GRIN2B: variants seen among roughly 807,000 people sequenced by gnomAD.
GRIN2B encodes the protein glutamate ionotropic receptor NMDA type subunit 2B.
In GRIN2B, 5 loss-of-function variants were observed where a neutral mutation model predicts 114.5. That is an observed-to-expected ratio of 0.04 (90% CI 0.02 to 0.09). The LOEUF (loss-of-function observed/expected upper bound fraction) is 0.09. Among genes scored for constraint, GRIN2B ranks in the 10% least tolerant of loss-of-function variants. The probability of loss-of-function intolerance (pLI) is 1.00; values close to 1 mark genes in which losing one functional copy is unlikely to be tolerated. For missense variants in GRIN2B, 1,108 were observed against 1,943.5 expected, an observed-to-expected ratio of 0.57 and a Z score of 8.08; for synonymous variants, 787 against 745.1, an observed-to-expected ratio of 1.06 and a Z score of -0.92.
chr12:13,786,911 T>A (rs2136660720), intron 3 of GRIN2B, among the ~76,000 whole-genome samples: 1 of 151,992 alleles, frequency 6.6e-6, no homozygotes, highest in African/African-American at 2.4e-5. Context: ...TCCTCCCGGT[T>A]TGAGACTCTG....
At chr12:13,605,389 T>C (rs1362493171) in intron 10 of GRIN2B, among the ~76,000 whole-genome samples, 1 of 151,984 alleles carries the variant, frequency 6.6e-6, no homozygotes, top group East Asian at 1.9e-4. Flanking sequence ...GGCAGATGCA[T>C]AGATAGAGGT....
At chr12:13,653,912 C>T (rs956663285) in intron 5 of GRIN2B, among the ~76,000 whole-genome samples, 1 of 152,018 alleles carries the variant, frequency 6.6e-6, no homozygotes, top group Non-Finnish European at 1.5e-5. Flanking sequence ...CAGTACAGGC[C>T]TATGGTTCAC....
chr12:13,808,539 A>G (rs1245611168), intron 3 of GRIN2B, among the ~76,000 whole-genome samples: 2 of 151,722 alleles, frequency 1.3e-5, no homozygotes, highest in Non-Finnish European at 2.9e-5. Context: ...GTGGGAATTG[A>G]ACAAGGAGAA....
At position 13,868,455 on chromosome 12, in the gene GRIN2B, T is replaced by TACACAC. The variant is rs71436778; in HGVS notation, c.-18-2235_-18-2230dup. On this transcript the variant is annotated intron_variant, in intron 2 of 13. Coordinates refer to ENST00000609686, the MANE Select transcript of GRIN2B (RefSeq NM_000834.5). ...ACACCACAAAGAGCTGTGGACAAAG[T>TACACAC]ACACACACACACACACACACACACA... Among the ~76,000 whole-genome samples, 605 of 148,888 alleles carry TACACAC rather than the reference T, an allele frequency of 4.1e-3. 4 individuals carry two copies. The highest frequency in any genetic ancestry group is 0.012 in the African/African-American group (499 of 40,752).
intron 2 of GRIN2B, among the ~76,000 whole-genome samples, chr12:13,897,990 T>TAATAAATAAATAAATA (rs58807255): frequency 3.8e-4 from 55 of 144,670 alleles, no homozygotes; most frequent in African/African-American, 1.0e-3. Context: ...TAAAGTATAA[T>TAATAAATAAATAAATA]AATAAATAAA....
At chr12:13,867,574 T>C (rs924700391) in intron 2 of GRIN2B, among the ~76,000 whole-genome samples, 20 of 152,238 alleles carry the variant, frequency 1.3e-4, no homozygotes, top group African/African-American at 4.8e-4. Flanking sequence ...AATCATTTAT[T>C]GTACATCTTT....
chr12:13,659,423 A>G (rs1949898060), intron 5 of GRIN2B, among the ~76,000 whole-genome samples: 1 of 152,152 alleles, frequency 6.6e-6, no homozygotes, highest in Non-Finnish European at 1.5e-5. Flanking sequence ...CAGGCACCTA[A>G]GTTCCTACAC....
At chr12:13,891,018 C>T (rs1254952936) in intron 2 of GRIN2B, among the ~76,000 whole-genome samples, 2 of 152,172 alleles carry the variant, frequency 1.3e-5, no homozygotes, top group African/African-American at 2.4e-5. Flanking sequence ...CGCTCCCTAT[C>T]AGTATTAGTG....
At chr12:13,825,496 T>TTTTTTTTTTTTTG (rs375940899) in intron 3 of GRIN2B, among the ~76,000 whole-genome samples, 6 of 122,994 alleles carry the variant, frequency 4.9e-5, no homozygotes, top group African/African-American at 1.6e-4. Context: ...TATATATATT[T>TTTTTTTTTTTTTG]TGTGTGTGTG....
intron 2 of GRIN2B, among the ~76,000 whole-genome samples, chr12:13,961,201 G>A (rs1336530879): frequency 1.3e-5 from 2 of 152,072 alleles, no homozygotes; most frequent in Non-Finnish European, 2.9e-5. Context: ...GAAACAGAGT[G>A]GCAGGGGAGG....
intron 5 of GRIN2B, among the ~76,000 whole-genome samples, chr12:13,633,205 G>T (rs1379975142): frequency 6.6e-6 from 1 of 152,210 alleles, no homozygotes; most frequent in Non-Finnish European, 1.5e-5. Flanking sequence ...AGGTTGAGGG[G>T]TTTAGACCAG....
chr12:13,588,011 A>G (rs1948954369), intron 10 of GRIN2B, among the ~76,000 whole-genome samples: 1 of 152,238 alleles, frequency 6.6e-6, no homozygotes, highest in South Asian at 2.1e-4. Flanking sequence ...TTAGAGGGAA[A>G]CAGACTCACT....
chr12:13,716,991 C>A (rs1322630357), intron 4 of GRIN2B, among the ~76,000 whole-genome samples: 1 of 151,548 alleles, frequency 6.6e-6, no homozygotes, highest in Non-Finnish European at 1.5e-5. Flanking sequence ...CAGTTCTCAA[C>A]AGAAGGGGAA....
rs565579774 is a variant in GRIN2B at position 13,766,746 on chromosome 12, T to TA, written c.412-12832dup. Among the ~76,000 whole-genome samples the TA allele has an allele frequency of 5.8e-4, 89 of 152,360 alleles. 1 individual carries two copies. The East Asian group carries it at 0.011, about 19-fold the overall frequency. On this transcript the variant is annotated intron_variant, in intron 3 of 13. Transcript: ENST00000609686. ...TCAAATGATTGCAAATTGATTTTGT[T>TA]AAGATTTTTATTCTTCAGAAAAGCT...
chr12:13,774,315 G>A (rs1863963064), intron 3 of GRIN2B, among the ~76,000 whole-genome samples: 1 of 152,146 alleles, frequency 6.6e-6, no homozygotes, highest in African/African-American at 2.4e-5. Context: ...TTATCAAAAA[G>A]TGAAAAAAAT....
At chr12:13,657,111 T>G (rs912959626) in intron 5 of GRIN2B, among the ~76,000 whole-genome samples, 1 of 152,202 alleles carries the variant, frequency 6.6e-6, no homozygotes, top group Non-Finnish European at 1.5e-5. Flanking sequence ...GGAGTTGCTT[T>G]GCTGCCAGTC....
intron 11 of GRIN2B, 70 bp from the exon 12 acceptor site, chr12:13,570,087 T>C (rs1229435620): frequency 3.9e-6 from 4 of 1,030,692 alleles, no homozygotes; most frequent in South Asian, 1.3e-5. Flanking sequence ...GGGCCATTAA[T>C]ATGAAGCAGT....
At chr12:13,838,193 C>T (rs953189983) in intron 3 of GRIN2B, among the ~76,000 whole-genome samples, 1 of 152,058 alleles carries the variant, frequency 6.6e-6, no homozygotes, top group Non-Finnish European at 1.5e-5. Context: ...GAAAGGAAAA[C>T]AAGAAGTGTT....
chr12:13,629,986 A>G (rs886617102), intron 5 of GRIN2B, among the ~76,000 whole-genome samples: 7 of 152,126 alleles, frequency 4.6e-5, no homozygotes, highest in Admixed American at 6.5e-5. Flanking sequence ...TCTCGGCCTC[A>G]CAACTTGCCA....
Sources: allele counts gnomAD v4.1 joint callset (sites outside exome capture counted in the v4.1 genomes callset), GRCh38; gene constraint gnomAD v4.1.1; transcripts MANE v1.5; gene names NCBI Gene and HGNC (gene_info 2026-07-23, HGNC 2026-07-21).